The following RHEX variants were observed in gnomAD, a reference collection of about 807,000 sequenced individuals.
RHEX encodes the protein regulator of hemoglobinization and erythroid cell expansion.
In RHEX, 18 loss-of-function variants were observed where a neutral mutation model predicts 20.1. The ratio of observed to expected loss-of-function variants is 0.90; its 90% CI spans 0.62 to 1.33. The LOEUF (loss-of-function observed/expected upper bound fraction) is 1.33. Among genes scored for constraint, RHEX ranks in the 40% most tolerant of loss-of-function variants. RHEX has a pLI of 0.00. For synonymous variants in RHEX, 87 were observed against 77.1 expected, an observed-to-expected ratio of 1.13 and a Z score of -0.67; for missense variants, 192 against 214.3, an observed-to-expected ratio of 0.90 and a Z score of 0.65.
chr1:206,056,812 TA>T lies in RHEX; in HGVS notation c.-97+3556del, dbSNP rs35223668. On this transcript the variant is annotated intron_variant, in intron 1 of 5. Coordinates refer to ENST00000331555, the MANE Select transcript of RHEX (RefSeq NM_001007544.4). ...TAAATTGGAAAAAAAAGTTACACAGTAAAAAAAAATAAGTATATCTGTCAAG... is the reference window on the plus strand; with the variant it reads ...TAAATTGGAAAAAAAAGTTACACAGTAAAAAAAATAAGTATATCTGTCAAG... 9.5e-4 allele frequency among the ~76,000 whole-genome samples: 144 copies of T among 151,924 alleles called. No homozygotes were observed. In the East Asian group the frequency reaches 0.01, roughly 11 times the overall value.
At chr1:206,079,977 G>A in intron 1 of RHEX, among the ~76,000 whole-genome samples, 1 of 152,342 alleles carries the variant, frequency 6.6e-6, no homozygotes, top group East Asian at 1.9e-4. Flanking sequence ...AAGCAAAGTG[G>A]CAGAAATACA....
At chr1:206,054,659 A>G (rs1662152654) in intron 1 of RHEX, among the ~76,000 whole-genome samples, 1 of 152,274 alleles carries the variant, frequency 6.6e-6, no homozygotes. Flanking sequence ...AAAATTATAA[A>G]AGGTTAAAAA....
At chr1:206,099,448 A>T (rs1663141553) in intron 3 of RHEX, among the ~76,000 whole-genome samples, 1 of 151,704 alleles carries the variant, frequency 6.6e-6, no homozygotes, top group Non-Finnish European at 1.5e-5. Flanking sequence ...CCTCCCTAGT[A>T]TCTGACATTA....
chr1:206,068,307 G>A (rs1414045190), intron 1 of RHEX, among the ~76,000 whole-genome samples: 1 of 152,118 alleles, frequency 6.6e-6, no homozygotes, highest in African/African-American at 2.4e-5. Context: ...AGTTGAGTTG[G>A]GGTAGGGTGG....
intron 1 of RHEX, among the ~76,000 whole-genome samples, chr1:206,068,351 G>T (rs1486904886): frequency 6.6e-6 from 1 of 152,118 alleles, no homozygotes; most frequent in Non-Finnish European, 1.5e-5. Context: ...AAGTTTTGAG[G>T]GGGAAAAGGG....
At chr1:206,074,331 A>G (rs1662590754) in intron 1 of RHEX, among the ~76,000 whole-genome samples, 1 of 152,242 alleles carries the variant, frequency 6.6e-6, no homozygotes, top group Admixed American at 6.5e-5. Context: ...CCCAGTGCTT[A>G]GCACAGAGCC....
intron 5 of RHEX, among the ~76,000 whole-genome samples, 177 bp from the exon 6 acceptor site, chr1:206,101,575 A>G (rs1438606058): frequency 6.6e-6 from 1 of 152,128 alleles, no homozygotes; most frequent in Non-Finnish European, 1.5e-5. Flanking sequence ...AGGTGGAACA[A>G]AGTCACTGGT....
chr1:206,059,067 A>T (rs1020384623), intron 1 of RHEX, among the ~76,000 whole-genome samples: 1 of 151,270 alleles, frequency 6.6e-6, no homozygotes, highest in Non-Finnish European at 1.5e-5. Flanking sequence ...GGTGTGCTCC[A>T]CTCCCACCAG....
Position 206,101,767 on chromosome 1 carries a change from G to A in RHEX, c.334G>A (p.Asp112Asn). The change falls in exon 6 of 6, where the codon GAT becomes AAT. Residue 112 changes from aspartate to asparagine, a missense_variant. Physicochemically the swap from Asp to Asn is conservative, Grantham distance 23 (BLOSUM62 1). Transcript: ENST00000331555. The stretch of plus-strand genomic sequence containing the variant: ...TTCTCCTAAGGCCACAGAGGATGTG[G>A]ATTACACACAAGTCGTCTTTTCTGA... ...PPACQATEDVDYTQVVFSDPG... is the reference protein window; with the variant it reads ...PPACQATEDVNYTQVVFSDPG... The A allele has an allele frequency of 1.9e-6, 3 of 1,613,406 alleles. No individual in the cohort carries two copies. The highest frequency in any genetic ancestry group is 1.1e-5 in the South Asian group (1 of 91,002).
chr1:206,080,536 T>C (rs1553285728), intron 1 of RHEX, among the ~76,000 whole-genome samples: 2 of 152,114 alleles, frequency 1.3e-5, no homozygotes, highest in Non-Finnish European at 2.9e-5. Flanking sequence ...GAGGTGAAAG[T>C]GTGTTATCGA....
At chr1:206,070,408 A>T (rs1246489560) in intron 1 of RHEX, among the ~76,000 whole-genome samples, 1 of 152,348 alleles carries the variant, frequency 6.6e-6, no homozygotes, top group Non-Finnish European at 1.5e-5. Flanking sequence ...ACGTTTGGCT[A>T]TGTGACTGTT....
intron 1 of RHEX, among the ~76,000 whole-genome samples, chr1:206,060,174 T>C (rs1449331909): frequency 3.9e-5 from 6 of 152,192 alleles, no homozygotes; most frequent in Non-Finnish European, 5.9e-5. Flanking sequence ...AGTGTGATCC[T>C]CAAGAACTGT....
intron 5 of RHEX, 94 bp downstream of exon 5, chr1:206,101,291 G>A (rs1663181794): frequency 5.1e-6 from 5 of 975,608 alleles, no homozygotes; most frequent in Non-Finnish European, 7.8e-6. Flanking sequence ...CAGCTATGTA[G>A]TGGGAGCAAG....
chr1:206,099,929 C>A (rs1442427222), intron 4 of RHEX, 131 bp downstream of exon 4: 2 of 742,322 alleles, frequency 2.7e-6, no homozygotes, highest in Non-Finnish European at 2.3e-6. Flanking sequence ...CACATCAGGA[C>A]AGCCTTGCCA....
In RHEX at chr1:206,067,875, G is replaced by A. The variant is rs1355304320; in HGVS notation, c.-97+14610G>A. Among the ~76,000 whole-genome samples, 6 of 152,088 alleles carry A rather than the reference G, an allele frequency of 3.9e-5. No individual in the cohort carries two copies. In the East Asian group the frequency reaches 5.8e-4, roughly 15 times the overall value. On this transcript the variant is annotated intron_variant, in intron 1 of 5. Coordinates refer to ENST00000331555, the MANE Select transcript of RHEX (RefSeq NM_001007544.4). This position sits in a 1 kb window ranked among gnomAD's most constrained non-coding sequence, Gnocchi z 4.6. The stretch of plus-strand genomic sequence containing the variant: ...GGTAAATTCTTTTACCATCTGTGAC[G>A]CCAGCCCCAGCCAGTTGCACCTGCA...
intron 1 of RHEX, among the ~76,000 whole-genome samples, chr1:206,066,005 G>A (rs1403030941): frequency 5.3e-5 from 8 of 152,234 alleles, no homozygotes; most frequent in Admixed American, 2.6e-4. Context: ...CACAGGGCCC[G>A]GGAAGATCGC....
intron 1 of RHEX, among the ~76,000 whole-genome samples, chr1:206,093,271 T>A (rs1553287251): frequency 7.1e-6 from 1 of 141,626 alleles, no homozygotes; most frequent in Non-Finnish European, 1.6e-5. Flanking sequence ...ATGATTTTTC[T>A]TTTTTTTTTT....
At chr1:206,063,942 G>A (rs1443347692) in intron 1 of RHEX, among the ~76,000 whole-genome samples, 1 of 151,832 alleles carries the variant, frequency 6.6e-6, no homozygotes, top group South Asian at 2.1e-4. Flanking sequence ...CATCTGGGAA[G>A]TGAGGAGCGC....
intron 1 of RHEX, among the ~76,000 whole-genome samples, chr1:206,089,018 A>T (rs1427384916): frequency 2.0e-5 from 3 of 151,746 alleles, no homozygotes; most frequent in African/African-American, 7.3e-5. Context: ...TCCCTCAAGA[A>T]TACTTTTGTC....
Sources: gnomAD v4.1 joint callset for allele counts (sites outside exome capture counted in the v4.1 genomes callset) on GRCh38, gnomAD v4.1.1 for gene constraint, Gnocchi (gnomAD v3.1) non-coding constraint, MANE v1.5 for transcripts, NCBI Gene and HGNC (gene_info 2026-07-23, HGNC 2026-07-21) for gene names.